Variants in LRRC4C observed in about 807,000 individuals in gnomAD.
LRRC4C encodes the protein leucine-rich repeat-containing protein 4C.
In LRRC4C, 5 loss-of-function variants were observed where a neutral mutation model predicts 33.6. The ratio of observed to expected loss-of-function variants is 0.15; its 90% confidence interval spans 0.08 to 0.31. The LOEUF is 0.31. Among genes scored for constraint, LRRC4C ranks in the 10% least tolerant of loss-of-function variants. The pLI, the probability that LRRC4C is intolerant of heterozygous loss-of-function variation, is 1.00. For missense variants in LRRC4C, 560 were observed against 796.7 expected, an observed-to-expected ratio of 0.70 and a Z score of 3.58; for synonymous variants, 329 against 302.0, an observed-to-expected ratio of 1.09 and a Z score of -0.93.
chr11:40,151,632 T>C (rs920641420), intron 5 of LRRC4C, among the ~76,000 whole-genome samples: 1 of 152,240 alleles, frequency 6.6e-6, no homozygotes, highest in Non-Finnish European at 1.5e-5. Flanking sequence ...AATGGAAATA[T>C]GCTACAGTTG....
At chr11:40,383,436 C>T (rs557540539) in intron 3 of LRRC4C, among the ~76,000 whole-genome samples, 27 of 152,150 alleles carry the variant, frequency 1.8e-4, no homozygotes, top group Non-Finnish European at 3.8e-4. Flanking sequence ...AACCTCCATA[C>T]TGTTTTCCAT....
At chr11:40,436,199 C>G (rs1474581666) in intron 3 of LRRC4C, among the ~76,000 whole-genome samples, 1 of 152,094 alleles carries the variant, frequency 6.6e-6, no homozygotes, top group Admixed American at 6.5e-5. Context: ...CTAACATGAA[C>G]AAAAATTAGC....
Position 40,578,146 on chromosome 11 carries a change from T to G in LRRC4C, c.-270+69996A>C, listed in dbSNP as rs1565522097. 1.3e-4 allele frequency among the ~76,000 whole-genome samples: 11 copies of G among 82,910 alleles called. 1 individual carries two copies. Among genetic ancestry groups the G allele is most frequent in the African/African-American group, 3.5e-4 (10 of 28,928 alleles). 54.4% of individuals were successfully genotyped at this position (82,910 alleles called of 152,430 possible). ...TATTGGACTTTTTTTTTTCGGTTTT[T>G]TTTTTTTTTTTTTTTTTTTTTTTTG... is the stretch of plus-strand genomic sequence containing the variant. On this transcript the variant is annotated intron_variant, in intron 3 of 6. Coordinates refer to ENST00000528697, the MANE Select transcript of LRRC4C (RefSeq NM_001258419.2).
rs553919780 is a variant in LRRC4C, at chr11:40,833,005, C to T, written c.-407+100630G>A. Among the ~76,000 whole-genome samples, 65 of 152,176 alleles carry T rather than the reference C, an allele frequency of 4.3e-4. No homozygotes were observed. In the South Asian group the frequency reaches 0.012, roughly 29 times the overall value. On this transcript the variant is annotated intron_variant, in intron 2 of 6. Coordinates refer to ENST00000528697, the MANE Select transcript of LRRC4C (RefSeq NM_001258419.2). The stretch of plus-strand genomic sequence containing the variant: ...CATATTTTTGTATTCTTGTAAAATG[C>T]TATCATATTGAATTAACCTATTTTA...
intron 3 of LRRC4C, among the ~76,000 whole-genome samples, chr11:40,624,693 A>G (rs1962768409): frequency 6.6e-6 from 1 of 152,168 alleles, no homozygotes; most frequent in Non-Finnish European, 1.5e-5. Context: ...ACAACAAGTT[A>G]TGTAAGGCTT....
chr11:40,628,435 G>A (rs1037649467), intron 3 of LRRC4C, among the ~76,000 whole-genome samples: 9 of 152,160 alleles, frequency 5.9e-5, no homozygotes, highest in South Asian at 2.1e-4. Flanking sequence ...CCGAGATTGC[G>A]CCACTGCACT....
chr11:41,389,567 A>G (rs1953499709), intron 1 of LRRC4C, among the ~76,000 whole-genome samples: 1 of 139,542 alleles, frequency 7.2e-6, no homozygotes, highest in African/African-American at 2.6e-5. Context: ...AAATTGCACC[A>G]AAGATATACT....
chr11:40,253,698 C>T (rs537841396), intron 4 of LRRC4C, among the ~76,000 whole-genome samples: 3 of 152,118 alleles, frequency 2.0e-5, no homozygotes, highest in African/African-American at 7.2e-5. Flanking sequence ...CAGCCCAATG[C>T]TACAGATTAC....
chr11:40,180,524 A>G (rs1191590829), intron 5 of LRRC4C, among the ~76,000 whole-genome samples: 2 of 151,514 alleles, frequency 1.3e-5, no homozygotes, highest in Non-Finnish European at 2.9e-5. Context: ...CATGAACCAA[A>G]TCAATAGCAC....
chr11:40,306,223 G>A (rs1198383866), intron 4 of LRRC4C, among the ~76,000 whole-genome samples: 1 of 152,188 alleles, frequency 6.6e-6, no homozygotes, highest in Non-Finnish European at 1.5e-5. Context: ...TAAAGATTTA[G>A]TTATTGTATC....
intron 1 of LRRC4C, among the ~76,000 whole-genome samples, chr11:40,963,204 T>A (rs1851091663): frequency 6.6e-6 from 1 of 151,762 alleles, no homozygotes; most frequent in African/African-American, 2.4e-5. Flanking sequence ...TCCTGCTATG[T>A]TAACATAACA....
At chr11:41,236,703 A>G (rs960765166) in intron 1 of LRRC4C, among the ~76,000 whole-genome samples, 5 of 152,154 alleles carry the variant, frequency 3.3e-5, no homozygotes, top group Non-Finnish European at 1.5e-5. Context: ...TGATATTTGA[A>G]AAAAGAAAAA....
intron 1 of LRRC4C, among the ~76,000 whole-genome samples, chr11:41,415,091 T>A (rs961162426): frequency 3.3e-5 from 5 of 152,144 alleles, no homozygotes; most frequent in African/African-American, 1.2e-4. Flanking sequence ...TCTCTAGCCT[T>A]GTTTTCAATG....
intron 3 of LRRC4C, among the ~76,000 whole-genome samples, chr11:40,468,481 T>C (rs1952763472): frequency 1.3e-5 from 2 of 152,282 alleles, no homozygotes; most frequent in African/African-American, 4.8e-5. Context: ...GTTAATCTCA[T>C]CTAGAAAATA....
intron 1 of LRRC4C, among the ~76,000 whole-genome samples, chr11:41,123,717 T>C (rs542736181): frequency 1.8e-4 from 28 of 152,298 alleles, no homozygotes; most frequent in African/African-American, 5.3e-4. Flanking sequence ...CTTTCACAAA[T>C]GTCACCCTGG....
chr11:41,107,565 C>T (rs1342347656), intron 1 of LRRC4C, among the ~76,000 whole-genome samples: 1 of 151,858 alleles, frequency 6.6e-6, no homozygotes, highest in Non-Finnish European at 1.5e-5. Context: ...ATATATCAAA[C>T]CAATTAATTT....
intron 3 of LRRC4C, among the ~76,000 whole-genome samples, chr11:40,368,208 G>T (rs1317383630): frequency 6.6e-6 from 1 of 152,046 alleles, no homozygotes; most frequent in Non-Finnish European, 1.5e-5. Context: ...AAAAATATAG[G>T]CTATGAGAGA....
intron 2 of LRRC4C, among the ~76,000 whole-genome samples, chr11:40,884,808 C>T (rs1955362039): frequency 6.6e-6 from 1 of 151,866 alleles, no homozygotes; most frequent in African/African-American, 2.4e-5. Context: ...GAATCTTTTA[C>T]TTAAAAAAAG....
intron 6 of LRRC4C, among the ~76,000 whole-genome samples, chr11:40,134,734 A>T (rs1031080784): frequency 2.0e-5 from 3 of 152,014 alleles, no homozygotes; most frequent in African/African-American, 7.3e-5. Flanking sequence ...AATATGTGAT[A>T]CTCTTAATAT....
Sources: gnomAD v4.1 joint callset for allele counts (sites outside exome capture counted in the v4.1 genomes callset) on GRCh38, gnomAD v4.1.1 for gene constraint, MANE v1.5 for transcripts, NCBI Gene and HGNC (gene_info 2026-07-23, HGNC 2026-07-21) for gene names.